The following EARS2 variants were observed in gnomAD, a reference collection of about 807,000 sequenced individuals.
EARS2 encodes glutamyl-tRNA synthetase 2, mitochondrial.
A neutral mutation model predicts 54.1 loss-of-function variants in EARS2; 50 were observed. The observed-to-expected ratio is 0.92, with a 90% CI of 0.74 to 1.17. EARS2 has a LOEUF of 1.17. Among genes scored for constraint, EARS2 ranks in the 50% most tolerant of loss-of-function variants. EARS2 has a pLI of 0.00. For synonymous variants in EARS2, 298 were observed against 281.0 expected (o/e 1.06, Z -0.61); for missense variants, 673 against 675.0 (o/e 1.00, Z 0.03).
Position 23,547,568 on chromosome 16 carries a change from C to T in EARS2, c.296-2865G>A, listed in dbSNP as rs139240759. Among the ~76,000 whole-genome samples the T allele has an allele frequency of 1.5e-3, 228 of 152,236 alleles. 4 individuals carry two copies. The East Asian group carries it at 0.036, about 24-fold the overall frequency. ...TCACCCAGGCTGGAGTGCAGTGGCA[C>T]GATCTCGGCTCACTGCAACCTCCAC... On this transcript the variant is annotated intron_variant, in intron 2 of 8. Coordinates refer to ENST00000449606, the MANE Select transcript of EARS2 (RefSeq NM_001083614.2).
chr16:23,550,982 CA>C (rs975677983), intron 2 of EARS2: 23 of 152,130 alleles, frequency 1.5e-4, no homozygotes, highest in African/African-American at 5.6e-4. Context: ...TAGCTGTCCT[CA>C]GGATAAAACT....
intron 8 of EARS2, chr16:23,525,009 G>A: frequency 1.6e-6 from 1 of 612,064 alleles, no homozygotes; most frequent in East Asian, 2.8e-5. Context: ...CAAACCCCAT[G>A]GAGGCAGAGA....
chr16:23,527,883 A>G (rs753567622), intron 7 of EARS2, among the ~76,000 whole-genome samples: 50 of 152,192 alleles, frequency 3.3e-4, no homozygotes, highest in African/African-American at 7.5e-4. Flanking sequence ...CATCATCTCT[A>G]TGTTCGGAAT....
At chr16:23,553,296 T>A (rs1965725787) in intron 1 of EARS2, among the ~76,000 whole-genome samples, 1 of 152,132 alleles carries the variant, frequency 6.6e-6, no homozygotes, top group Non-Finnish European at 1.5e-5. Context: ...CCCAACTGCA[T>A]CCACCACTCT....
intron 2 of EARS2, among the ~76,000 whole-genome samples, chr16:23,551,478 T>C (rs1207515803): frequency 6.6e-6 from 1 of 151,904 alleles, no homozygotes; most frequent in African/African-American, 2.4e-5. Flanking sequence ...TAGCCAGGCG[T>C]GGTGGTGCGT....
intron 2 of EARS2, among the ~76,000 whole-genome samples, chr16:23,550,073 T>C (rs896464386): frequency 6.6e-6 from 1 of 152,092 alleles, no homozygotes; most frequent in African/African-American, 2.4e-5. Context: ...GAAGAATGAA[T>C]TAGGAGCCAG....
At chr16:23,532,830 T>A in intron 4 of EARS2, 65 bp from the exon 5 acceptor site, 1 of 1,185,886 alleles carries the variant, frequency 8.4e-7, no homozygotes. Flanking sequence ...CTTTATCTCT[T>A]TTTTTTAAGA....
chr16:23,553,738 C>CA (rs551701832), intron 1 of EARS2, among the ~76,000 whole-genome samples: 5 of 151,334 alleles, frequency 3.3e-5, no homozygotes, highest in African/African-American at 9.7e-5. Flanking sequence ...AAAAATACCA[C>CA]AAAAAAAATT....
At chr16:23,548,690 T>C (rs1459797649) in intron 2 of EARS2, among the ~76,000 whole-genome samples, 1 of 151,772 alleles carries the variant, frequency 6.6e-6, no homozygotes, top group Admixed American at 6.6e-5. Context: ...CAGGGACAGG[T>C]CCCTGGTGAA....
intron 2 of EARS2, chr16:23,546,484 G>C (rs771072126): frequency 2.2e-5 from 10 of 453,510 alleles, no homozygotes; most frequent in African/African-American, 1.8e-4. Flanking sequence ...ATCATCATGA[G>C]ACTAGAGTAA....
At chr16:23,524,550 C>CCCCACACTG in intron 8 of EARS2, 96 bp from the exon 9 acceptor site, 1 of 1,022,348 alleles carries the variant, frequency 9.8e-7, no homozygotes, top group Non-Finnish European at 1.5e-6. Flanking sequence ...CCAGGCCAGC[C>CCCCACACTG]CCCACACTGC....
At position 23,529,511 on chromosome 16, in the gene EARS2, C is replaced by T. The variant is rs752312159; in HGVS notation, c.1343G>A (p.Arg448His). The T allele has an allele frequency of 1.8e-5, 29 of 1,613,730 alleles. No individual in the cohort carries two copies. Among genetic ancestry groups the T allele is most frequent in the East Asian group, 8.9e-5 (4 of 44,886 alleles). Residue 448 changes from arginine to histidine, a missense_variant, in exon 7 of 9, where the codon CGT (arginine) becomes CAT (histidine). Arg to His is a conservative substitution (Grantham distance 29). This residue lies in a region of EARS2 where 338 missense variants were observed against 361.2 expected (regional missense o/e 0.94). Coordinates refer to ENST00000449606, the MANE Select transcript of EARS2 (RefSeq NM_001083614.2). The stretch of plus-strand genomic sequence containing the variant: ...GCCTGCGGGTACTCACCCCAGCACA[C>T]GCTTGGCAATCACATCCACCTTCTC... ...ISEKVDVIAK[R>H]VLGLLERSSM...
chr16:23,557,046 G>C (rs1356269617), intron 1 of EARS2, 159 bp downstream of exon 1: 28 of 1,083,958 alleles, frequency 2.6e-5, no homozygotes, highest in Non-Finnish European at 3.7e-5. Flanking sequence ...TTCCGCTCCT[G>C]CACCTCAGTT....
intron 2 of EARS2, chr16:23,544,976 G>T: frequency 3.0e-6 from 1 of 333,700 alleles, no homozygotes; most frequent in Non-Finnish European, 5.4e-6. Flanking sequence ...CGAATAGCTG[G>T]GATTACAAGC....
rs1407482187 is a variant in EARS2, at chr16:23,532,735, A to T, written c.989T>A (p.Leu330Gln). 6.2e-7 allele frequency: 1 copy of T among 1,613,962 alleles called. No individual in the cohort carries two copies. Among genetic ancestry groups the T allele is most frequent in the Non-Finnish European group, 8.5e-7 (1 of 1,179,900 alleles). Residue 330 changes from leucine (L) to glutamine (Q), a missense_variant, in exon 5 of 9, where the codon CTG (leucine) becomes CAG (glutamine). Leu to Gln is a moderately radical substitution (Grantham distance 113). This residue lies in a region of EARS2 where 338 missense variants were observed against 361.2 expected (regional missense o/e 0.94). Coordinates refer to ENST00000449606, the MANE Select transcript of EARS2 (RefSeq NM_001083614.2). ...ENQMGRTLPE[L>Q]ITQFNLTQVT... is the part of the protein sequence containing the mutation. Reference sequence around the variant, plus strand: ...CTGTGTCAGGTTGAACTGTGTGATCAGCTCCGGCAGGGTCCTGCCCATTTG... The same window carrying T: ...CTGTGTCAGGTTGAACTGTGTGATCTGCTCCGGCAGGGTCCTGCCCATTTG...
intron 1 of EARS2, chr16:23,556,914 A>G: frequency 1.6e-6 from 1 of 641,192 alleles, no homozygotes; most frequent in South Asian, 1.5e-5. Flanking sequence ...ACTGTATCCC[A>G]GCGTCTACAA....
chr16:23,525,003 C>A (rs1467680286), intron 8 of EARS2: 1 of 609,770 alleles, frequency 1.6e-6, no homozygotes, highest in Non-Finnish European at 2.9e-6. Context: ...AAACTGCAAA[C>A]CCCATGGAGG....
intron 5 of EARS2, among the ~76,000 whole-genome samples, chr16:23,531,825 C>A (rs1487474374): frequency 6.6e-6 from 1 of 152,124 alleles, no homozygotes; most frequent in East Asian, 1.9e-4. Context: ...CCACTAATAA[C>A]TTTTTTTAAA....
rs780381864 is a variant in EARS2, at chr16:23,524,191, T to C, written c.*180A>G. 1.1e-4 allele frequency: 70 copies of C among 644,652 alleles called. No individual in the cohort carries two copies. The highest frequency in any genetic ancestry group is 1.6e-4 in the Non-Finnish European group (57 of 362,314). The allele number at this position is 644,652 out of a possible 1,614,324, so 39.9% of individuals were successfully genotyped here. A position where few individuals can be genotyped will look rare whatever the true frequency, so the allele number is the denominator to read the frequency against. On this transcript the variant is annotated 3_prime_UTR_variant, in exon 9 of 9. Transcript: ENST00000449606. ...AGATGGGTTGGGCTTCCCCAGCCAATTGACAAAAACGTGCCTGTGGTGGAT... is the reference window on the plus strand; with the variant it reads ...AGATGGGTTGGGCTTCCCCAGCCAACTGACAAAAACGTGCCTGTGGTGGAT...
Sources: allele counts gnomAD v4.1 joint callset (sites outside exome capture counted in the v4.1 genomes callset), GRCh38; gene constraint gnomAD v4.1.1; regional missense constraint gnomAD v4.1.1; transcripts MANE v1.5; gene names NCBI Gene and HGNC (gene_info 2026-07-23, HGNC 2026-07-21).